SAMMSON: variants seen among roughly 807,000 people sequenced by gnomAD.
The protein encoded by SAMMSON is long intergenic non-protein coding RNA 1212.
intron 4 of SAMMSON, chr3:70,120,568 A>T (rs1385382094): frequency 2.0e-5 from 3 of 152,242 alleles, no homozygotes; most frequent in Non-Finnish European, 4.4e-5. Flanking sequence ...TGCCAGCAGG[A>T]GGAGCTCTTG....
chr3:70,025,657 G>A (rs2067034599), intron 3 of SAMMSON, among the ~76,000 whole-genome samples: 1 of 152,106 alleles, frequency 6.6e-6, no homozygotes, highest in Admixed American at 6.6e-5. Context: ...GGGAGTTTGG[G>A]GCACCAATCC....
chr3:70,183,461 T>C (rs1157535150), intron 4 of SAMMSON: 1 of 152,200 alleles, frequency 6.6e-6, no homozygotes, highest in Non-Finnish European at 1.5e-5. Flanking sequence ...TTGTTGAATA[T>C]GCGACTGAAC....
chr3:70,244,190 C>T (rs997459740), intron 4 of SAMMSON, among the ~76,000 whole-genome samples: 1 of 152,154 alleles, frequency 6.6e-6, no homozygotes, highest in Non-Finnish European at 1.5e-5. Context: ...TTGCTGAGGA[C>T]CAATTTTAAC....
chr3:70,404,206 C>T (rs993372513), intron 2 of SAMMSON, among the ~76,000 whole-genome samples: 5 of 151,528 alleles, frequency 3.3e-5, no homozygotes, highest in Non-Finnish European at 7.4e-5. Context: ...TAATGATATG[C>T]ATATCATTAG....
At chr3:70,016,509 G>A (rs1427708867) in intron 3 of SAMMSON, among the ~76,000 whole-genome samples, 1 of 151,934 alleles carries the variant, frequency 6.6e-6, no homozygotes, top group Non-Finnish European at 1.5e-5. Flanking sequence ...TGAGTAGATT[G>A]CAAAAATTTT....
At chr3:70,049,391 A>C (rs2067138386) in intron 3 of SAMMSON, among the ~76,000 whole-genome samples, 1 of 152,162 alleles carries the variant, frequency 6.6e-6, no homozygotes, top group African/African-American at 2.4e-5. Flanking sequence ...AAAATTACTT[A>C]CTGGCAAGAT....
intron 2 of SAMMSON, among the ~76,000 whole-genome samples, chr3:70,418,815 A>G (rs1701285055): frequency 6.6e-6 from 1 of 152,162 alleles, no homozygotes. Context: ...GGAAAGAGGT[A>G]GTGAGCTATC....
intron 3 of SAMMSON, among the ~76,000 whole-genome samples, chr3:70,046,673 C>G (rs972536247): frequency 4.6e-5 from 7 of 152,064 alleles, no homozygotes; most frequent in African/African-American, 1.4e-4. Context: ...ACTGTAAACC[C>G]TGCAGTTTCA....
At chr3:70,375,192 A>C (rs1043535536) in intron 9 of SAMMSON, among the ~76,000 whole-genome samples, 3 of 152,092 alleles carry the variant, frequency 2.0e-5, no homozygotes, top group African/African-American at 7.2e-5. Flanking sequence ...ATTCATTCAC[A>C]TCGCATTTTA....
chr3:70,342,167 T>C (rs1017998600), intron 7 of SAMMSON, among the ~76,000 whole-genome samples: 4 of 152,178 alleles, frequency 2.6e-5, no homozygotes, highest in Non-Finnish European at 4.4e-5. Context: ...ACTATTACCA[T>C]TGAGTGTTTG....
At chr3:70,141,638 A>G (rs2067528281) in intron 4 of SAMMSON, among the ~76,000 whole-genome samples, 1 of 152,234 alleles carries the variant, frequency 6.6e-6, no homozygotes, top group Non-Finnish European at 1.5e-5. Flanking sequence ...GGTAGTAAAA[A>G]TAGTGTATGT....
At chr3:70,045,098 T>TATATATATAATTTATATATATTAATTATA (rs1559779782) in intron 3 of SAMMSON, among the ~76,000 whole-genome samples, 5 of 120,222 alleles carry the variant, frequency 4.2e-5, no homozygotes, top group Non-Finnish European at 4.9e-5. Context: ...TTAATTATAA[T>TATATATATAATTTATATATATTAATTATA]ATATATTATA....
At chr3:70,404,698 G>A (rs939494266) in intron 2 of SAMMSON, among the ~76,000 whole-genome samples, 2 of 152,054 alleles carry the variant, frequency 1.3e-5, no homozygotes, top group Non-Finnish European at 2.9e-5. Context: ...TGCAGCACAA[G>A]ACTATAATCC....
intron 4 of SAMMSON, among the ~76,000 whole-genome samples, chr3:70,153,096 A>G (rs936715200): frequency 2.0e-5 from 3 of 151,956 alleles, no homozygotes; most frequent in African/African-American, 7.2e-5. Flanking sequence ...TATATATTAT[A>G]CACATATATA....
intron 9 of SAMMSON, among the ~76,000 whole-genome samples, chr3:70,371,695 C>G (rs888300766): frequency 2.6e-5 from 4 of 151,996 alleles, no homozygotes; most frequent in African/African-American, 9.7e-5. Flanking sequence ...TGTCCTGCAA[C>G]CTTAATAAAT....
chr3:70,096,151 G>A (rs1457580107), intron 4 of SAMMSON: 1 of 152,230 alleles, frequency 6.6e-6, no homozygotes, highest in East Asian at 1.9e-4. Flanking sequence ...ATTGAACTGA[G>A]AGCCTCAGTT....
At chr3:70,214,620 T>TC (rs1395066106) in intron 4 of SAMMSON, among the ~76,000 whole-genome samples, 1 of 150,258 alleles carries the variant, frequency 6.7e-6, no homozygotes, top group Non-Finnish European at 1.5e-5. Flanking sequence ...TTTTTTTTTT[T>TC]TATCTAACTA....
chr3:70,353,729 G>A (rs1007289066), intron 7 of SAMMSON, among the ~76,000 whole-genome samples: 1 of 152,122 alleles, frequency 6.6e-6, no homozygotes, highest in Non-Finnish European at 1.5e-5. Flanking sequence ...ATTTATCCCA[G>A]AGAAATAAAA....
intron 4 of SAMMSON, among the ~76,000 whole-genome samples, chr3:70,117,348 A>T (rs1259858395): frequency 6.6e-6 from 1 of 152,238 alleles, no homozygotes; most frequent in African/African-American, 2.4e-5. Flanking sequence ...TGAAAATGTG[A>T]TCTTCCCAAA....
Sources: allele counts gnomAD v4.1 joint callset (sites outside exome capture counted in the v4.1 genomes callset), GRCh38; gene constraint gnomAD v4.1.1; transcripts MANE v1.5; gene names NCBI Gene and HGNC (gene_info 2026-07-23, HGNC 2026-07-21).